DOCK1: variants seen among roughly 807,000 people sequenced by gnomAD.
The protein encoded by DOCK1 is dedicator of cytokinesis 1.
A neutral mutation model predicts 262.7 loss-of-function variants in DOCK1; 138 were observed. The observed-to-expected ratio is 0.53, with a 90% CI of 0.46 to 0.61. The LOEUF (loss-of-function observed/expected upper bound fraction) is 0.61. Among genes scored for constraint, DOCK1 ranks in the 20% least tolerant of loss-of-function variants. DOCK1 has a pLI of 0.00. For synonymous variants in DOCK1, 866 were observed against 867.4 expected (o/e 1.00, Z 0.03); for missense variants, 1,908 against 2,370.7 (o/e 0.80, Z 4.05).
At chr10:127,066,206 A>G (rs1462481700) in intron 23 of DOCK1, among the ~76,000 whole-genome samples, 1 of 151,870 alleles carries the variant, frequency 6.6e-6, no homozygotes, top group Non-Finnish European at 1.5e-5. Flanking sequence ...TGTTCCTCCC[A>G]GGTGCCCCCG....
At chr10:127,308,755 G>A (rs2061963063) in intron 29 of DOCK1, among the ~76,000 whole-genome samples, 1 of 152,158 alleles carries the variant, frequency 6.6e-6, no homozygotes, top group African/African-American at 2.4e-5. Flanking sequence ...TCCCTGCAAA[G>A]GACATGAACT....
chr10:126,969,515 T>C (rs2037932858), intron 1 of DOCK1, among the ~76,000 whole-genome samples: 1 of 152,158 alleles, frequency 6.6e-6, no homozygotes, highest in African/African-American at 2.4e-5. Flanking sequence ...TGGGGATGTC[T>C]TAACACACAC....
intron 38 of DOCK1, among the ~76,000 whole-genome samples, chr10:127,398,007 C>A (rs1310341173): frequency 6.6e-6 from 1 of 152,160 alleles, no homozygotes; most frequent in African/African-American, 2.4e-5. Context: ...CAGAGGTTCC[C>A]GTGTGATGGG....
intron 27 of DOCK1, among the ~76,000 whole-genome samples, chr10:127,159,897 T>C (rs2053440118): frequency 6.6e-6 from 1 of 152,188 alleles, no homozygotes; most frequent in Admixed American, 6.5e-5. Flanking sequence ...ACGGGAGGGC[T>C]GGACGGCATC....
At chr10:127,078,279 T>G (rs1400585900) in intron 23 of DOCK1, among the ~76,000 whole-genome samples, 2 of 152,190 alleles carry the variant, frequency 1.3e-5, no homozygotes, top group African/African-American at 4.8e-5. Context: ...TATTAGTTCT[T>G]TTATTTTTGT....
At chr10:127,235,895 G>A (rs2489426) in intron 27 of DOCK1, among the ~76,000 whole-genome samples, 18,407 of 151,850 alleles carry the variant, frequency 0.12, 1,256 homozygotes, top group East Asian at 0.18. Flanking sequence ...GCTTTCATGT[G>A]CATCTTGGCC....
At chr10:126,918,220 C>T (rs1041226429) in intron 1 of DOCK1, among the ~76,000 whole-genome samples, 1 of 151,208 alleles carries the variant, frequency 6.6e-6, no homozygotes, top group Non-Finnish European at 1.5e-5. Context: ...TGATTGCCAG[C>T]ATGCAGCGGG....
chr10:127,296,160 T>C (rs2061497634), intron 29 of DOCK1, among the ~76,000 whole-genome samples: 2 of 152,230 alleles, frequency 1.3e-5, no homozygotes, highest in African/African-American at 4.8e-5. Context: ...GATGGAGCAT[T>C]ACCTCTCTAT....
chr10:127,397,406 T>G (rs2066949343), intron 38 of DOCK1, among the ~76,000 whole-genome samples: 1 of 148,800 alleles, frequency 6.7e-6, no homozygotes, highest in African/African-American at 2.5e-5. Context: ...TGAGCATGAG[T>G]TACATGGGCA....
At chr10:126,919,759 G>T (rs1291640957) in intron 1 of DOCK1, among the ~76,000 whole-genome samples, 1 of 152,212 alleles carries the variant, frequency 6.6e-6, no homozygotes, top group Non-Finnish European at 1.5e-5. Context: ...GGGGGCAGGT[G>T]GTGGCTCCGT....
At chr10:127,022,355 G>T (rs1385412223) in intron 13 of DOCK1, among the ~76,000 whole-genome samples, 1 of 151,880 alleles carries the variant, frequency 6.6e-6, no homozygotes, top group East Asian at 1.9e-4. Context: ...ATTATTTTAA[G>T]TTTTAGGGTA....
intron 38 of DOCK1, among the ~76,000 whole-genome samples, chr10:127,396,754 C>CCAA: frequency 7.5e-6 from 1 of 134,162 alleles, no homozygotes; most frequent in South Asian, 2.4e-4. Flanking sequence ...ATCTCTGTTA[C>CCAA]AAAAAAAAAA....
Position 127,326,521 on chromosome 10 carries a change from C to A in DOCK1, c.3045-12485C>A, listed in dbSNP as rs548290097. 2.0e-5 allele frequency among the ~76,000 whole-genome samples: 3 copies of A among 152,300 alleles called. No homozygotes were observed. The South Asian group carries it at 6.2e-4, about 32-fold the overall frequency. On this transcript the variant is annotated intron_variant, in intron 29 of 51. Transcript: ENST00000623213. ...AGCAATTCAGTCACATCTTCAGAGTCCACTTCTAATTCTAGTTCTCTGCTA... is the reference window on the plus strand; with the variant it reads ...AGCAATTCAGTCACATCTTCAGAGTACACTTCTAATTCTAGTTCTCTGCTA...
intron 29 of DOCK1, among the ~76,000 whole-genome samples, chr10:127,322,240 A>G (rs1053572765): frequency 6.8e-5 from 10 of 147,970 alleles, no homozygotes; most frequent in Admixed American, 2.0e-4. Context: ...CCCAGGCTAG[A>G]GTGCAGTGGT....
chr10:127,373,638 G>C (rs2065330920), intron 33 of DOCK1, 143 bp from the exon 34 acceptor site: 1 of 709,200 alleles, frequency 1.4e-6, no homozygotes. Flanking sequence ...GTTCTGTGTT[G>C]GCAACTCTTA....
chr10:127,351,777 C>T (rs1267958607), intron 31 of DOCK1, among the ~76,000 whole-genome samples: 1 of 152,064 alleles, frequency 6.6e-6, no homozygotes, highest in African/African-American at 2.4e-5. Flanking sequence ...CTGGTGACAG[C>T]TGTGACTTTA....
intron 38 of DOCK1, among the ~76,000 whole-genome samples, chr10:127,394,335 T>C (rs1333737436): frequency 1.4e-5 from 2 of 147,404 alleles, no homozygotes; most frequent in South Asian, 2.2e-4. Context: ...AAGTTCACAC[T>C]TTGCCTTGCA....
intron 27 of DOCK1, among the ~76,000 whole-genome samples, chr10:127,232,472 T>C (rs74158635): frequency 0.011 from 1,675 of 152,284 alleles, 31 homozygotes; most frequent in African/African-American, 0.038. Context: ...CATGGCCTTA[T>C]AGGTCTGCGC....
intron 29 of DOCK1, among the ~76,000 whole-genome samples, chr10:127,333,025 A>G (rs1022382903): frequency 6.0e-5 from 9 of 150,024 alleles, no homozygotes; most frequent in Non-Finnish European, 1.0e-4. Context: ...TTCTGCAGGG[A>G]TGGAGGAATG....
Sources: allele counts gnomAD v4.1 joint callset (sites outside exome capture counted in the v4.1 genomes callset), GRCh38; gene constraint gnomAD v4.1.1; transcripts MANE v1.5; gene names NCBI Gene and HGNC (gene_info 2026-07-23, HGNC 2026-07-21).